The following KBTBD11 variants were observed in gnomAD, a reference collection of about 807,000 sequenced individuals.
The protein encoded by KBTBD11 is kelch repeat and BTB domain-containing protein 11.
For missense variants in KBTBD11, 1,390 were observed against 1,001.8 expected (o/e 1.39, Z -5.23); for synonymous variants, 747 against 499.0 (o/e 1.50, Z -6.63).
At chr8:1,996,076 A>G (rs1160142673) in intron 1 of KBTBD11, among the ~76,000 whole-genome samples, 1 of 152,184 alleles carries the variant, frequency 6.6e-6, no homozygotes, top group African/African-American at 2.4e-5. Context: ...CTAAGATGCT[A>G]TAATTTTTCT....
chr8:1,983,845 TG>T (rs1316988165), intron 1 of KBTBD11, among the ~76,000 whole-genome samples: 19 of 152,348 alleles, frequency 1.2e-4, no homozygotes, highest in African/African-American at 4.6e-4. Context: ...AAGTCACACA[TG>T]GGGCTGGGCG....
chr8:1,988,560 C>T (rs1018247009), intron 1 of KBTBD11, among the ~76,000 whole-genome samples: 1 of 152,152 alleles, frequency 6.6e-6, no homozygotes, highest in Non-Finnish European at 1.5e-5. Context: ...ATATCCTTTG[C>T]CCACTTTTTG....
chr8:1,984,668 G>C (rs1816653581), intron 1 of KBTBD11, among the ~76,000 whole-genome samples: 1 of 152,156 alleles, frequency 6.6e-6, no homozygotes, highest in African/African-American at 2.4e-5. Flanking sequence ...AAGCACACGT[G>C]TGATAGGCAC....
intron 1 of KBTBD11, among the ~76,000 whole-genome samples, chr8:1,976,892 T>G (rs1223438684): frequency 6.6e-6 from 1 of 151,666 alleles, no homozygotes; most frequent in African/African-American, 2.4e-5. Flanking sequence ...CACGGAGAGG[T>G]CAGTGAGGGG....
In KBTBD11 at chr8:2,004,704, TGA is replaced by T. The variant is rs776368870; in HGVS notation, c.*1642_*1643del. The T allele has an allele frequency of 6.0e-6, 1 of 167,074 alleles. No homozygotes were observed. The highest frequency in any genetic ancestry group is 6.5e-5 in the Admixed American group (1 of 15,268). 10.3% of individuals were successfully genotyped at this position (167,074 alleles called of 1,614,324 possible). Reference sequence around the variant, plus strand: ...TGCTTGCCCATGGTTACTCATGAACTGAGGGGATAGCTTGGCAACTTGGTTAA... The same window carrying T: ...TGCTTGCCCATGGTTACTCATGAACTGGGGATAGCTTGGCAACTTGGTTAA... On this transcript the variant is annotated 3_prime_UTR_variant, in exon 2 of 2. Transcript: ENST00000320248.
chr8:1,993,850 G>T (rs1279954498), intron 1 of KBTBD11, among the ~76,000 whole-genome samples: 80 of 151,342 alleles, frequency 5.3e-4, no homozygotes, highest in Admixed American at 5.2e-3. Context: ...TCTCAAACCA[G>T]GATGGGGGTT....
At chr8:1,993,922 T>TACACACACACACACACACACACACACAC (rs57317862) in intron 1 of KBTBD11, among the ~76,000 whole-genome samples, 16 of 139,692 alleles carry the variant, frequency 1.1e-4, no homozygotes, top group African/African-American at 4.0e-4. Flanking sequence ...CAATACCCCC[T>TACACACACACACACACACACACACACAC]ACACACACAC....
rs1383001709 is a variant in KBTBD11, at chr8:2,001,548, C to A, written c.356C>A (p.Ser119Tyr). 2.8e-5 allele frequency: 40 copies of A among 1,436,512 alleles called. No homozygotes were observed. Among genetic ancestry groups the A allele is most frequent in the Non-Finnish European group, 3.4e-5 (37 of 1,100,594 alleles). 89.0% of individuals were successfully genotyped at this position (1,436,512 alleles called of 1,614,324 possible). ...EPRVWLEDPA[S>Y]PEEPGEPAPV... is the part of the protein sequence containing the mutation. ...CGCGTTTGGCTTGAGGACCCCGCGT[C>A]CCCCGAGGAGCCCGGGGAGCCCGCG... Residue 119 changes from serine (S) to tyrosine (Y), a missense_variant, in exon 2 of 2, where the codon TCC (serine) becomes TAC (tyrosine). By Grantham distance (144) the Ser-to-Tyr change is moderately radical. Transcript: ENST00000320248.
chr8:1,998,975 G>C (rs1050854054), intron 1 of KBTBD11, among the ~76,000 whole-genome samples: 2 of 152,224 alleles, frequency 1.3e-5, no homozygotes, highest in African/African-American at 4.8e-5. Flanking sequence ...GGGCATGGCT[G>C]GGTGAACACA....
In KBTBD11 at chr8:2,002,984, T is replaced by C. The variant is rs888224746; in HGVS notation, c.1792T>C (p.Leu598=). 1.6e-5 allele frequency: 21 copies of C among 1,309,546 alleles called. No individual in the cohort carries two copies. The highest frequency in any genetic ancestry group is 2.0e-5 in the Non-Finnish European group (21 of 1,030,574). The allele number at this position is 1,309,546 out of a possible 1,614,324, so 81.1% of individuals were successfully genotyped here. Residue 598 remains leucine, a synonymous_variant, in exon 2 of 2, where the codon TTG becomes CTG. Coordinates refer to ENST00000320248, the MANE Select transcript of KBTBD11 (RefSeq NM_014867.3). This position sits in a 1 kb window ranked among gnomAD's most constrained non-coding sequence, Gnocchi z 4.1. The part of the protein sequence containing the change: ...GGGFEALGAP[L]DVRGVLIPFA... ...CGGCTTCGAGGCGCTGGGCGCCCCC[T>C]TGGACGTCCGGGGTGTGCTCATCCC...
In KBTBD11 at chr8:2,006,298, G is replaced by T. The variant is rs17064496; in HGVS notation, c.*3234G>T. The stretch of plus-strand genomic sequence containing the variant: ...TGTTTTCAACGTTCTTTTGTCTTTT[G>T]CTGAAGTCAGGATAGATTCAAGACA... On this transcript the variant is annotated 3_prime_UTR_variant, in exon 2 of 2. Coordinates refer to ENST00000320248, the MANE Select transcript of KBTBD11 (RefSeq NM_014867.3). 12,724 of 167,030 alleles carry T rather than the reference G, an allele frequency of 0.076. 1,240 individuals carry two copies. The highest frequency in any genetic ancestry group is 0.24 in the African/African-American group (10,004 of 41,492). The allele number at this position is 167,030 out of a possible 1,614,324, so 10.3% of individuals were successfully genotyped here.
At chr8:1,987,112 TC>T (rs1326737138) in intron 1 of KBTBD11, among the ~76,000 whole-genome samples, 1 of 151,512 alleles carries the variant, frequency 6.6e-6, no homozygotes, top group Non-Finnish European at 1.5e-5. Context: ...AGCCCTGTGG[TC>T]CCGTCCCCGG....
chr8:1,979,292 C>G (rs144797671), intron 1 of KBTBD11, among the ~76,000 whole-genome samples: 1 of 152,174 alleles, frequency 6.6e-6, no homozygotes, highest in Non-Finnish European at 1.5e-5. Flanking sequence ...TAGAAACATG[C>G]TTTACTCAAA....
At position 2,003,880 on chromosome 8, in the gene KBTBD11, G is replaced by A. The variant is rs983320229; in HGVS notation, c.*816G>A. The A allele has an allele frequency of 1.2e-4, 20 of 167,000 alleles. No homozygotes were observed. The highest frequency in any genetic ancestry group is 4.3e-4 in the African/African-American group (18 of 41,554). The allele number at this position is 167,000 out of a possible 1,614,324, so 10.3% of individuals were successfully genotyped here. On this transcript the variant is annotated 3_prime_UTR_variant, in exon 2 of 2. Transcript: ENST00000320248. ...TCATAAGTAGGAAAAACTTACCAGG[G>A]TGCTTGTCTATCTAAAAAGCAATCT...
chr8:1,974,316 C>T (rs1397525873), intron 1 of KBTBD11: 2 of 984,336 alleles, frequency 2.0e-6, no homozygotes, highest in Admixed American at 6.2e-5. Context: ...GAGCCGCCCG[C>T]GCCGCGCCCG....
rs1003112199 is a variant in KBTBD11, at chr8:2,006,266, A to G, written c.*3202A>G. 29 of 167,080 alleles carry G rather than the reference A, an allele frequency of 1.7e-4. No individual in the cohort carries two copies. The highest frequency in any genetic ancestry group is 6.8e-4 in the African/African-American group (28 of 41,468). The allele number at this position is 167,080 out of a possible 1,614,324, so 10.3% of individuals were successfully genotyped here. A position where few individuals can be genotyped will look rare whatever the true frequency, so the allele number is the denominator to read the frequency against. ...GGTAACTTCCTGTAAACGATTTGGA[A>G]ATAGGATGTTTTCAACGTTCTTTTG... On this transcript the variant is annotated 3_prime_UTR_variant, in exon 2 of 2. Coordinates refer to ENST00000320248, the MANE Select transcript of KBTBD11 (RefSeq NM_014867.3).
intron 1 of KBTBD11, among the ~76,000 whole-genome samples, chr8:1,977,763 T>C (rs928675653): frequency 1.3e-5 from 2 of 152,144 alleles, no homozygotes; most frequent in Non-Finnish European, 2.9e-5. Flanking sequence ...CTCGAACTCC[T>C]GGCCTCAAGT....
At position 2,004,424 on chromosome 8, in the gene KBTBD11, A is replaced by G. The variant is rs1445034538; in HGVS notation, c.*1360A>G. 1 of 166,934 alleles carries G rather than the reference A, an allele frequency of 6.0e-6. No homozygotes were observed. Among genetic ancestry groups the G allele is most frequent in the Admixed American group, 6.5e-5 (1 of 15,286 alleles). 10.3% of individuals were successfully genotyped at this position (166,934 alleles called of 1,614,324 possible). ...GAATCCAACCCATTTTCTTACTGTAAGAGGAAAAGTTACTGGAACGTAACT... is the reference window on the plus strand; with the variant it reads ...GAATCCAACCCATTTTCTTACTGTAGGAGGAAAAGTTACTGGAACGTAACT... On this transcript the variant is annotated 3_prime_UTR_variant, in exon 2 of 2. Coordinates refer to ENST00000320248, the MANE Select transcript of KBTBD11 (RefSeq NM_014867.3).
intron 1 of KBTBD11, among the ~76,000 whole-genome samples, chr8:1,989,922 G>A (rs75256546): frequency 1.0e-5 from 1 of 96,160 alleles, no homozygotes. Flanking sequence ...TGTCTCAGGT[G>A]GTTTTTTTTT....
Sources: allele counts gnomAD v4.1 joint callset (sites outside exome capture counted in the v4.1 genomes callset), GRCh38; gene constraint gnomAD v4.1.1; non-coding constraint Gnocchi (gnomAD v3.1); transcripts MANE v1.5; gene names NCBI Gene and HGNC (gene_info 2026-07-23, HGNC 2026-07-21).